Variants in LAMA2 observed in about 807,000 individuals in gnomAD.
LAMA2 encodes the protein laminin subunit alpha 2.
A neutral mutation model predicts 364.8 loss-of-function variants in LAMA2; 269 were observed. That is an observed-to-expected ratio of 0.74 (90% confidence interval 0.67 to 0.82). The LOEUF (loss-of-function observed/expected upper bound fraction) is 0.82. Ranked by LOEUF, LAMA2 falls within the 40% of genes least tolerant of loss-of-function variation. The probability of loss-of-function intolerance (pLI) is 0.00; values close to 1 mark genes in which losing one functional copy is unlikely to be tolerated. For missense variants in LAMA2, 3,807 were observed against 3,873.2 expected (o/e 0.98, Z 0.45); for synonymous variants, 1,379 against 1,370.6 (o/e 1.01, Z -0.14).
intron 1 of LAMA2, among the ~76,000 whole-genome samples, chr6:128,889,767 T>G (rs925591358): frequency 2.0e-5 from 3 of 152,180 alleles, no homozygotes; most frequent in African/African-American, 4.8e-5. Flanking sequence ...TCAGGGTGAG[T>G]TAAAGCTAAA....
intron 34 of LAMA2, among the ~76,000 whole-genome samples, chr6:129,382,604 G>A (rs1778754906): frequency 6.6e-6 from 1 of 152,160 alleles, no homozygotes; most frequent in Admixed American, 6.5e-5. Flanking sequence ...TTATAAAACA[G>A]GCATTTACTA....
At chr6:129,447,544 G>T (rs554360850) in intron 45 of LAMA2, among the ~76,000 whole-genome samples, 1 of 152,210 alleles carries the variant, frequency 6.6e-6, no homozygotes, top group African/African-American at 2.4e-5. Flanking sequence ...GCCAGGTCTC[G>T]TCAGGCCTTC....
At chr6:128,905,791 C>T (rs182720824) in intron 1 of LAMA2, among the ~76,000 whole-genome samples, 1 of 151,224 alleles carries the variant, frequency 6.6e-6, no homozygotes, top group South Asian at 2.1e-4. Flanking sequence ...CCACTCCCCC[C>T]ACCCCACAAC....
intron 14 of LAMA2, among the ~76,000 whole-genome samples, chr6:129,256,193 G>A (rs1435292564): frequency 6.6e-6 from 1 of 152,178 alleles, no homozygotes; most frequent in Non-Finnish European, 1.5e-5. Context: ...TGGTTTTGGA[G>A]TCATGCTTGG....
rs769998511 is a variant in LAMA2 at position 129,192,807 on chromosome 6, C to T, written c.1736C>T (p.Pro579Leu). The T allele has an allele frequency of 1.1e-5, 18 of 1,614,042 alleles. No homozygotes were observed. Among genetic ancestry groups the T allele is most frequent in the East Asian group, 2.2e-5 (1 of 44,890 alleles). The change falls in exon 12 of 65, where the codon CCG (proline) becomes CTG (leucine). Residue 579 changes from proline to leucine, a missense_variant. Pro to Leu is a moderately conservative substitution (Grantham distance 98). Around this residue, in one of 3 missense-constraint regions of LAMA2, gnomAD observed 3,333 missense variants for 3,345.7 expected, o/e 1.00. Transcript: ENST00000421865. Reference sequence around the variant, plus strand: ...AACGCGGAGGCCCGGCAAGCCCTGCCGCACAGCTACTACTGGAGCGCGCCG... The same window carrying T: ...AACGCGGAGGCCCGGCAAGCCCTGCTGCACAGCTACTACTGGAGCGCGCCG... ...ISNAEARQALPHSYYWSAPAP... is the reference protein window; with the variant it reads ...ISNAEARQALLHSYYWSAPAP...
chr6:129,228,207 G>A (rs902013759), intron 12 of LAMA2, among the ~76,000 whole-genome samples: 4 of 152,168 alleles, frequency 2.6e-5, no homozygotes, highest in East Asian at 1.9e-4. Flanking sequence ...GGAGTGACCC[G>A]ATTTTCCAGG....
chr6:129,192,998 G>A, intron 12 of LAMA2, 145 bp downstream of exon 12: 1 of 894,688 alleles, frequency 1.1e-6, no homozygotes, highest in Admixed American at 2.0e-5. Flanking sequence ...ATTGAGTTGG[G>A]CGTTTCTTCC....
intron 32 of LAMA2, among the ~76,000 whole-genome samples, chr6:129,365,672 CT>C (rs36004394): frequency 1.1e-3 from 156 of 146,226 alleles, no homozygotes; most frequent in Middle Eastern, 7.3e-3. Context: ...CTTCTTTAGA[CT>C]TTTTTTTTTT....
intron 1 of LAMA2, among the ~76,000 whole-genome samples, chr6:129,007,667 A>G (rs2114688278): frequency 6.6e-6 from 1 of 152,294 alleles, no homozygotes; most frequent in South Asian, 2.1e-4. Flanking sequence ...ATGGGGATTT[A>G]TTCTAAGGAA....
At chr6:129,441,124 A>C in intron 43 of LAMA2, 126 bp downstream of exon 43, 1 of 836,864 alleles carries the variant, frequency 1.2e-6, no homozygotes, top group Non-Finnish European at 2.0e-6. Flanking sequence ...CTTCTTTCAT[A>C]GATTGGCCTC....
chr6:128,987,140 GTTT>G (rs764115716), intron 1 of LAMA2, among the ~76,000 whole-genome samples: 1 of 121,356 alleles, frequency 8.2e-6, no homozygotes, highest in Non-Finnish European at 1.7e-5. Flanking sequence ...TTTTTTTTTT[GTTT>G]TTTTTTTTTT....
intron 1 of LAMA2, among the ~76,000 whole-genome samples, chr6:128,945,460 TTCTA>T (rs1780433707): frequency 1.3e-5 from 2 of 152,236 alleles, no homozygotes; most frequent in South Asian, 4.1e-4. Context: ...TTCATTCTCC[TTCTA>T]TCTGTCATAA....
chr6:129,253,502 G>T (rs1349269249), intron 14 of LAMA2, among the ~76,000 whole-genome samples: 2 of 152,186 alleles, frequency 1.3e-5, no homozygotes, highest in Non-Finnish European at 2.9e-5. Flanking sequence ...GCCAAACAAT[G>T]TACCTCTTTT....
At chr6:129,126,522 A>G (rs892894712) in intron 4 of LAMA2, among the ~76,000 whole-genome samples, 2 of 151,730 alleles carry the variant, frequency 1.3e-5, no homozygotes, top group East Asian at 1.9e-4. Flanking sequence ...TTTTTTCTCA[A>G]TGTGTACAAT....
chr6:128,906,333 G>C (rs550693587), intron 1 of LAMA2, among the ~76,000 whole-genome samples: 3,089 of 131,206 alleles, frequency 0.024, 104 homozygotes, highest in African/African-American at 0.08. Flanking sequence ...CATTCTAACT[G>C]GTGTGAGATG....
chr6:129,434,779 A>G (rs879694662), intron 41 of LAMA2, among the ~76,000 whole-genome samples: 8 of 152,082 alleles, frequency 5.3e-5, no homozygotes, highest in Non-Finnish European at 8.8e-5. Context: ...TGTAAGTTCC[A>G]TTTTGAAATC....
intron 4 of LAMA2, among the ~76,000 whole-genome samples, chr6:129,129,935 A>AT (rs1483736871): frequency 1.4e-5 from 2 of 147,774 alleles, no homozygotes; most frequent in Non-Finnish European, 2.9e-5. Context: ...AAAAAAAAAA[A>AT]AAAAAAAATA....
At chr6:129,360,154 G>A (rs1224580575) in intron 32 of LAMA2, among the ~76,000 whole-genome samples, 1 of 152,080 alleles carries the variant, frequency 6.6e-6, no homozygotes, top group Non-Finnish European at 1.5e-5. Context: ...AGAATGGTTT[G>A]GAAAGGTTCT....
chr6:129,180,789 GT>G (rs1780879565), intron 10 of LAMA2, among the ~76,000 whole-genome samples: 1 of 152,126 alleles, frequency 6.6e-6, no homozygotes, highest in South Asian at 2.1e-4. Flanking sequence ...GGAAATCTAA[GT>G]TAAGCATAAG....
Sources: allele counts gnomAD v4.1 joint callset (sites outside exome capture counted in the v4.1 genomes callset), GRCh38; gene constraint gnomAD v4.1.1; regional missense constraint gnomAD v4.1.1; transcripts MANE v1.5; gene names NCBI Gene and HGNC (gene_info 2026-07-23, HGNC 2026-07-21).